The following FAAH2 variants were observed in gnomAD, a reference collection of about 807,000 sequenced individuals.
FAAH2 encodes fatty-acid amide hydrolase 2.
In FAAH2, 60 loss-of-function variants were observed where a neutral mutation model predicts 36.9. The ratio of observed to expected loss-of-function variants is 1.63; its 90% CI spans 1.32 to 2.02. The LOEUF (loss-of-function observed/expected upper bound fraction) is 2.02. Ranked by LOEUF, FAAH2 falls within the 30% of genes most tolerant of loss-of-function variation. The pLI is 0.00. For missense variants in FAAH2, 689 were observed against 397.5 expected (o/e 1.73, Z -6.23); for synonymous variants, 214 against 143.8 (o/e 1.49, Z -3.49).
At chrX:57,224,245 C>T in the FAAH2 span, among the ~76,000 whole-genome samples, 13 of 111,801 alleles carry the variant, frequency 1.2e-4, no homozygotes, top group East Asian at 2.8e-4. Flanking sequence ...AACTGTCTTA[C>T]AGGCACAGAC....
the FAAH2 span, among the ~76,000 whole-genome samples, chrX:57,254,208 C>G: frequency 9.0e-6 from 1 of 111,552 alleles, no homozygotes; most frequent in Admixed American, 9.5e-5. Context: ...GGGATCAATT[C>G]AACAAGAAGA....
the FAAH2 span, chrX:57,137,392 A>G: frequency 1.3e-6 from 1 of 743,095 alleles, no homozygotes; most frequent in Non-Finnish European, 1.6e-6. Flanking sequence ...CGAGACAGGC[A>G]AAGAGCACTG....
the FAAH2 span, among the ~76,000 whole-genome samples, chrX:57,144,582 C>T: frequency 9.2e-6 from 1 of 108,522 alleles, no homozygotes; most frequent in Non-Finnish European, 1.9e-5. Flanking sequence ...TGAGTAAGTT[C>T]TTTATTGGTG....
chrX:57,159,580 G>A, the FAAH2 span, among the ~76,000 whole-genome samples: 2 of 110,554 alleles, frequency 1.8e-5, no homozygotes, highest in Admixed American at 9.6e-5. Context: ...GGATTCCTAG[G>A]TATTTTATTC....
chrX:57,323,532 G>T (rs2053100493), intron 3 of FAAH2, among the ~76,000 whole-genome samples: 2 of 111,594 alleles, frequency 1.8e-5, no homozygotes, highest in South Asian at 7.5e-4. Flanking sequence ...TTTCTAACTG[G>T]TGTGAGATGG....
At chrX:57,226,224 G>A in the FAAH2 span, among the ~76,000 whole-genome samples, 1 of 111,672 alleles carries the variant, frequency 9.0e-6, no homozygotes, top group African/African-American at 3.3e-5. Flanking sequence ...GTTTTAACTC[G>A]TGTTTTTGTT....
Position 57,292,505 on chromosome X carries a change from G to C in FAAH2, c.200G>C (p.Cys67Ser). The C allele has an allele frequency of 1.7e-6, 2 of 1,207,510 alleles. No individual in the cohort carries two copies. The highest frequency in any genetic ancestry group is 2.2e-6 in the Non-Finnish European group (2 of 892,808). ...AAGTATTGTATTTTGCAGGTGAAAT[G>C]TATAGATGTTGTTCAGGCTTATATC... The part of the protein sequence containing the change: ...AKLIRQRKVK[C>S]IDVVQAYINR... Residue 67 changes from cysteine (C) to serine (S), a missense_variant, in exon 2 of 11, where the codon TGT becomes TCT. Cys to Ser is a moderately radical substitution (Grantham distance 112). Coordinates refer to ENST00000374900, the MANE Select transcript of FAAH2 (RefSeq NM_174912.4).
chrX:57,171,915 A>G, the FAAH2 span, among the ~76,000 whole-genome samples: 1 of 111,961 alleles, frequency 8.9e-6, no homozygotes, highest in South Asian at 3.7e-4. Context: ...TTTTAAATCC[A>G]TTTTGAGTTG....
chrX:57,411,542 T>C (rs989033789), intron 7 of FAAH2, among the ~76,000 whole-genome samples: 5 of 111,367 alleles, frequency 4.5e-5, no homozygotes, highest in African/African-American at 1.6e-4. Flanking sequence ...TCATGACTGA[T>C]TATTGTGTAT....
chrX:57,441,005 A>G (rs1217590499), intron 8 of FAAH2, among the ~76,000 whole-genome samples: 1 of 111,666 alleles, frequency 9.0e-6, no homozygotes, highest in African/African-American at 3.3e-5. Flanking sequence ...TCAGTTTGCC[A>G]GTATTTTATT....
chrX:57,487,868 A>G (rs2057503690), intron 10 of FAAH2, among the ~76,000 whole-genome samples: 1 of 112,128 alleles, frequency 8.9e-6, no homozygotes, highest in African/African-American at 3.2e-5. Context: ...CATAATTAGT[A>G]ATAGCCAAAA....
the FAAH2 span, among the ~76,000 whole-genome samples, chrX:57,186,737 G>A: frequency 4.5e-5 from 5 of 111,993 alleles, no homozygotes; most frequent in African/African-American, 1.6e-4. Context: ...GTTAATTTTT[G>A]TATAAGGTGT....
chrX:57,210,007 C>G, the FAAH2 span, among the ~76,000 whole-genome samples: 1 of 110,108 alleles, frequency 9.1e-6, no homozygotes, highest in African/African-American at 3.3e-5. Context: ...CCTCAATGCA[C>G]AGAAATGATC....
chrX:57,351,379 A>T (rs2053995012), intron 5 of FAAH2, among the ~76,000 whole-genome samples: 1 of 111,403 alleles, frequency 9.0e-6, no homozygotes, highest in African/African-American at 3.2e-5. Flanking sequence ...CTTACGTCCA[A>T]AAAAAGTACA....
intron 2 of FAAH2, among the ~76,000 whole-genome samples, chrX:57,302,091 A>G (rs1474880300): frequency 2.7e-5 from 3 of 111,746 alleles, no homozygotes; most frequent in African/African-American, 9.8e-5. Context: ...TCCAATAGGT[A>G]TATTCTTCCC....
the FAAH2 span, among the ~76,000 whole-genome samples, chrX:57,164,886 A>G: frequency 2.7e-5 from 3 of 112,422 alleles, no homozygotes; most frequent in Non-Finnish European, 3.8e-5. Flanking sequence ...TATAGTACTC[A>G]TACCATTTTG....
At chrX:57,216,526 G>GTATATATATATATATACGTATATGTA in the FAAH2 span, among the ~76,000 whole-genome samples, 1 of 33,733 alleles carries the variant, frequency 3.0e-5, no homozygotes, top group East Asian at 9.3e-4. Context: ...ATACGTATAT[G>GTATATATATATATATACGTATATGTA]TATATATATA....
At chrX:57,346,671 A>G (rs1024503698) in intron 5 of FAAH2, among the ~76,000 whole-genome samples, 2 of 111,241 alleles carry the variant, frequency 1.8e-5, no homozygotes, top group African/African-American at 6.5e-5. Context: ...TAATTGCTTT[A>G]TATTATCTGT....
chrX:57,431,771 G>GTTTTTTTTTTTTTT (rs1218617071), intron 7 of FAAH2, 147 bp from the exon 8 acceptor site: 2 of 202,027 alleles, frequency 9.9e-6, no homozygotes, highest in African/African-American at 1.0e-4. Context: ...TTGTTTTTTT[G>GTTTTTTTTTTTTTT]TTTTTTTGTT....
Sources: allele counts gnomAD v4.1 joint callset (sites outside exome capture counted in the v4.1 genomes callset), GRCh38; gene constraint gnomAD v4.1.1; transcripts MANE v1.5; gene names NCBI Gene and HGNC (gene_info 2026-07-23, HGNC 2026-07-21).